Variants in GMDS observed in about 807,000 individuals in gnomAD.
The protein encoded by GMDS is GDP-mannose 4,6-dehydratase, also known as GDP-mannose 4,6 dehydratase.
Under a neutral mutation model 49.9 loss-of-function variants are expected in GMDS, and 20 were observed. The observed-to-expected ratio is 0.40, with a 90% CI of 0.28 to 0.58. GMDS has a LOEUF of 0.58. GMDS is among the 20% of genes least tolerant of loss of function. The pLI, the probability that GMDS is intolerant of heterozygous loss-of-function variation, is 0.42. For missense variants in GMDS, 362 were observed against 481.4 expected, an observed-to-expected ratio of 0.75 and a Z score of 2.32; for synonymous variants, 177 against 178.6, an observed-to-expected ratio of 0.99 and a Z score of 0.07.
At chr6:1,913,194 A>G (rs1302061907) in intron 7 of GMDS, among the ~76,000 whole-genome samples, 2 of 151,826 alleles carry the variant, frequency 1.3e-5, no homozygotes, top group Non-Finnish European at 2.9e-5. Flanking sequence ...ATCCCGGCTA[A>G]AACGGTGAAA....
chr6:2,210,173 T>A (rs2127582342), intron 1 of GMDS, among the ~76,000 whole-genome samples: 1 of 152,308 alleles, frequency 6.6e-6, no homozygotes, highest in South Asian at 2.1e-4. Context: ...TTCCACAGAT[T>A]GCATTTTAAG....
chr6:2,167,173 T>C (rs553396851), intron 1 of GMDS, among the ~76,000 whole-genome samples: 2 of 152,288 alleles, frequency 1.3e-5, no homozygotes, highest in South Asian at 4.1e-4. Context: ...CTTAAACTTT[T>C]CGTAGCATTT....
intron 7 of GMDS, among the ~76,000 whole-genome samples, chr6:1,913,403 A>G (rs1036431274): frequency 6.6e-6 from 1 of 151,712 alleles, no homozygotes; most frequent in East Asian, 1.9e-4. Flanking sequence ...AAAAAAAAAA[A>G]AAAAAAGAAA....
At chr6:1,990,112 C>G (rs973474918) in intron 4 of GMDS, among the ~76,000 whole-genome samples, 7 of 152,080 alleles carry the variant, frequency 4.6e-5, no homozygotes, top group African/African-American at 1.7e-4. Context: ...TTGGCTAATA[C>G]AGTGAAACCC....
chr6:1,661,691 C>T (rs1172032328), intron 9 of GMDS, among the ~76,000 whole-genome samples: 2 of 152,234 alleles, frequency 1.3e-5, no homozygotes, highest in African/African-American at 4.8e-5. Context: ...TCCTCAACCA[C>T]GTTCCAACCC....
rs560412816 is a variant in GMDS at position 2,200,820 on chromosome 6, C to T, written c.102+44501G>A. Among the ~76,000 whole-genome samples the T allele has an allele frequency of 5.6e-4, 81 of 143,522 alleles. 2 individuals are homozygous for T. The highest frequency in any genetic ancestry group is 1.9e-3 in the African/African-American group (73 of 37,920). 94.2% of individuals were successfully genotyped at this position (143,522 alleles called of 152,430 possible). On this transcript the variant is annotated intron_variant, in intron 1 of 10. Coordinates refer to ENST00000380815, the MANE Select transcript of GMDS (RefSeq NM_001500.4). ...GAAGACAGAGCACCAAATGGGCATC[C>T]GAGATGTAACCATCTAGGCAGTGAG...
chr6:1,655,104 T>C (rs1057187972), intron 9 of GMDS, among the ~76,000 whole-genome samples: 1 of 145,912 alleles, frequency 6.9e-6, no homozygotes. Context: ...ACTTGAAAAA[T>C]AAAATAACTC....
At chr6:1,893,112 A>G (rs567349512) in intron 7 of GMDS, among the ~76,000 whole-genome samples, 102 of 151,756 alleles carry the variant, frequency 6.7e-4, no homozygotes, top group South Asian at 2.1e-3. Context: ...AATTTAAGAG[A>G]GTGGAAATGG....
At chr6:1,982,505 T>G (rs970227690) in intron 4 of GMDS, among the ~76,000 whole-genome samples, 1 of 152,152 alleles carries the variant, frequency 6.6e-6, no homozygotes, top group South Asian at 2.1e-4. Flanking sequence ...GCCCAAAAAC[T>G]TCTGAAGTTG....
intron 7 of GMDS, among the ~76,000 whole-genome samples, chr6:1,801,373 C>T (rs1264854001): frequency 2.0e-5 from 3 of 152,194 alleles, no homozygotes; most frequent in Non-Finnish European, 4.4e-5. Flanking sequence ...AGCTGCCAAT[C>T]CTGGTAGCTA....
chr6:1,677,351 C>A (rs1207609575), intron 9 of GMDS, among the ~76,000 whole-genome samples: 3 of 152,162 alleles, frequency 2.0e-5, no homozygotes, highest in Admixed American at 1.3e-4. Flanking sequence ...GTTGGTGGGA[C>A]TGTAAACTAG....
chr6:2,101,572 G>C (rs1364882612), intron 4 of GMDS, among the ~76,000 whole-genome samples: 2 of 151,970 alleles, frequency 1.3e-5, no homozygotes, highest in African/African-American at 4.8e-5. Flanking sequence ...CGAAATGAGA[G>C]AAAGTATATC....
chr6:1,708,793 C>T lies in GMDS; in HGVS notation c.987+17623G>A, dbSNP rs560371456. 3.3e-5 allele frequency among the ~76,000 whole-genome samples: 5 copies of T among 152,324 alleles called. No homozygotes were observed. In the South Asian group the frequency reaches 1.0e-3, roughly 32 times the overall value. On this transcript the variant is annotated intron_variant, in intron 9 of 10. Coordinates refer to ENST00000380815, the MANE Select transcript of GMDS (RefSeq NM_001500.4). ...AACAGCAAAAGGCCAACCGGGGTCA[C>T]GTCTCTGTACGCTGCATCTCACAGC...
At chr6:1,782,166 C>G (rs1323345256) in intron 7 of GMDS, among the ~76,000 whole-genome samples, 1 of 152,148 alleles carries the variant, frequency 6.6e-6, no homozygotes, top group African/African-American at 2.4e-5. Context: ...TGGTCCAATT[C>G]TTTCATTTAC....
chr6:2,031,316 TTCAA>T (rs1768949269), intron 4 of GMDS, among the ~76,000 whole-genome samples: 1 of 152,164 alleles, frequency 6.6e-6, no homozygotes, highest in Non-Finnish European at 1.5e-5. Context: ...AATTCACTCA[TTCAA>T]TCAGTTTCCC....
In GMDS at chr6:1,947,226, G is replaced by A. The variant is rs1028378017; in HGVS notation, c.643+12641C>T. 4.6e-5 allele frequency among the ~76,000 whole-genome samples: 7 copies of A among 152,218 alleles called. No homozygotes were observed. The East Asian group carries it at 5.8e-4, about 13-fold the overall frequency. On this transcript the variant is annotated intron_variant, in intron 6 of 10. Transcript: ENST00000380815. Reference sequence around the variant, plus strand: ...TCTGTGAACTTGGGACCACACAGTCGTCTGCCAGCCAGAATGGGGATATGC... The same window carrying A: ...TCTGTGAACTTGGGACCACACAGTCATCTGCCAGCCAGAATGGGGATATGC...
intron 7 of GMDS, among the ~76,000 whole-genome samples, chr6:1,840,047 A>G (rs1375630507): frequency 6.6e-6 from 1 of 152,242 alleles, no homozygotes; most frequent in African/African-American, 2.4e-5. Flanking sequence ...AGAAGCAATG[A>G]GAGGCGAGGA....
chr6:1,841,222 A>G (rs141811733), intron 7 of GMDS, among the ~76,000 whole-genome samples: 1 of 152,342 alleles, frequency 6.6e-6, no homozygotes, highest in African/African-American at 2.4e-5. Flanking sequence ...TAAAAATCAA[A>G]TGAACTCTCT....
At chr6:1,634,310 G>A (rs950881056) in intron 9 of GMDS, among the ~76,000 whole-genome samples, 7 of 152,160 alleles carry the variant, frequency 4.6e-5, no homozygotes, top group Admixed American at 1.3e-4. Context: ...ATGAGGACAC[G>A]CTCAGCCTCT....
Sources: allele counts gnomAD v4.1 joint callset (sites outside exome capture counted in the v4.1 genomes callset), GRCh38; gene constraint gnomAD v4.1.1; transcripts MANE v1.5; gene names NCBI Gene and HGNC (gene_info 2026-07-23, HGNC 2026-07-21).